The following AGPS variants were observed in gnomAD, a reference collection of about 807,000 sequenced individuals.
The protein encoded by AGPS is alkylglycerone phosphate synthase, also known as alkyldihydroxyacetonephosphate synthase, peroxisomal.
Under a neutral mutation model 90.7 loss-of-function variants are expected in AGPS, and 26 were observed. The ratio of observed to expected loss-of-function variants is 0.29; its 90% confidence interval spans 0.21 to 0.40. The LOEUF (loss-of-function observed/expected upper bound fraction) is 0.40, where lower values mean the gene tolerates loss of function less well. Among genes scored for constraint, AGPS ranks in the 10% least tolerant of loss-of-function variants. The probability of loss-of-function intolerance (pLI) is 1.00; values close to 1 mark genes in which losing one functional copy is unlikely to be tolerated. For missense variants in AGPS, 540 were observed against 816.1 expected, an observed-to-expected ratio of 0.66 and a Z score of 4.12; for synonymous variants, 294 against 285.3, an observed-to-expected ratio of 1.03 and a Z score of -0.31.
At position 177,543,247 on chromosome 2, in the gene AGPS, G is replaced by C. The variant is rs992030042; in HGVS notation, c.*5052G>C. ...CTGAGGAGCAGAACCTGTGGAGCTG[G>C]GGAGTGCGGGTGGTTTCTATTCCTA... On this transcript the variant is annotated 3_prime_UTR_variant, in exon 20 of 20. Transcript: ENST00000264167. 3 of 152,188 alleles carry C rather than the reference G, an allele frequency of 2.0e-5. No individual in the cohort carries two copies. Among genetic ancestry groups the C allele is most frequent in the African/African-American group, 7.2e-5 (3 of 41,456 alleles). 9.4% of individuals were successfully genotyped at this position (152,188 alleles called of 1,614,324 possible). A position where few individuals can be genotyped will look rare whatever the true frequency, so the allele number is the denominator to read the frequency against.
intron 5 of AGPS, among the ~76,000 whole-genome samples, chr2:177,438,727 T>A (rs1483746731): frequency 2.0e-5 from 3 of 152,214 alleles, no homozygotes; most frequent in Non-Finnish European, 4.4e-5. Flanking sequence ...TTCAAGAATC[T>A]GTATGAATGG....
At chr2:177,456,991 T>C (rs1687137028) in intron 8 of AGPS, among the ~76,000 whole-genome samples, 1 of 152,040 alleles carries the variant, frequency 6.6e-6, no homozygotes, top group Non-Finnish European at 1.5e-5. Context: ...TAACAAACAA[T>C]CTCTCAGACC....
chr2:177,432,749 T>C (rs1205216276), intron 2 of AGPS, among the ~76,000 whole-genome samples: 2 of 152,108 alleles, frequency 1.3e-5, no homozygotes, highest in Non-Finnish European at 2.9e-5. Flanking sequence ...AGAATAGAGG[T>C]TTATTTGGCT....
intron 18 of AGPS, among the ~76,000 whole-genome samples, chr2:177,523,240 A>G (rs955651235): frequency 3.3e-5 from 5 of 152,238 alleles, no homozygotes; most frequent in African/African-American, 1.2e-4. Flanking sequence ...TATTAGGCAA[A>G]TAATTTAACC....
intron 2 of AGPS, among the ~76,000 whole-genome samples, chr2:177,425,676 A>G (rs1686061319): frequency 6.8e-6 from 1 of 147,478 alleles, no homozygotes. Flanking sequence ...TGTTTTTGTC[A>G]GGTTTGTTGA....
intron 19 of AGPS, among the ~76,000 whole-genome samples, chr2:177,525,208 G>T (rs1290083994): frequency 2.0e-5 from 3 of 152,172 alleles, no homozygotes; most frequent in Non-Finnish European, 4.4e-5. Context: ...AAATTTGAAT[G>T]AGGAGTTACT....
chr2:177,507,715 G>C (rs1387481483), intron 15 of AGPS, among the ~76,000 whole-genome samples: 1 of 152,198 alleles, frequency 6.6e-6, no homozygotes, highest in South Asian at 2.1e-4. Flanking sequence ...ATAAATTTGA[G>C]TTCTTGCCCT....
chr2:177,467,370 A>G (rs894599184), intron 9 of AGPS, among the ~76,000 whole-genome samples: 2 of 152,240 alleles, frequency 1.3e-5, no homozygotes, highest in African/African-American at 4.8e-5. Context: ...TGATTTCAGA[A>G]TTACAGAAAA....
chr2:177,462,951 C>T (rs1449995317), intron 9 of AGPS, among the ~76,000 whole-genome samples: 1 of 152,180 alleles, frequency 6.6e-6, no homozygotes, highest in Admixed American at 6.5e-5. Context: ...AAGTCTTCAA[C>T]TCTACCGTGA....
intron 19 of AGPS, among the ~76,000 whole-genome samples, chr2:177,527,008 A>G (rs1258620652): frequency 2.6e-5 from 4 of 152,154 alleles, no homozygotes; most frequent in Non-Finnish European, 4.4e-5. Context: ...TTGAATTTGA[A>G]CTCAGGTCTT....
Position 177,392,859 on chromosome 2 carries a change from G to C in AGPS, c.70G>C (p.Asp24His). Residue 24 changes from aspartate (D) to histidine (H), a missense_variant, in exon 1 of 20, where the codon GAC becomes CAC. Asp to His is a moderately conservative substitution (Grantham distance 81, BLOSUM62 -1). Coordinates refer to ENST00000264167, the MANE Select transcript of AGPS (RefSeq NM_003659.4). ...GGGCGCGAGCTACGGGTCTGCAGCG[G>C]ACCGGGACCGGGACCCGGACCCGGA... ...GAGASYGSAA[D>H]RDRDPDPDRA... is the part of the protein sequence containing the mutation. The C allele has an allele frequency of 6.4e-7, 1 of 1,552,176 alleles. No individual in the cohort carries two copies. Among genetic ancestry groups the C allele is most frequent in the Non-Finnish European group, 8.7e-7 (1 of 1,152,014 alleles).
chr2:177,424,002 T>A (rs1022669710), intron 2 of AGPS, among the ~76,000 whole-genome samples: 15 of 152,266 alleles, frequency 9.9e-5, no homozygotes, highest in Admixed American at 9.8e-4. Context: ...GTTTGTTACA[T>A]AGCTAAACGT....
chr2:177,499,546 C>A, intron 13 of AGPS, 72 bp from the exon 14 acceptor site: 2 of 1,063,866 alleles, frequency 1.9e-6, no homozygotes, highest in Admixed American at 1.9e-5. Flanking sequence ...AGGAAAAGAG[C>A]AAAATGTATT....
chr2:177,451,525 C>CT (rs1475602730), intron 8 of AGPS, among the ~76,000 whole-genome samples: 1 of 151,600 alleles, frequency 6.6e-6, no homozygotes, highest in Non-Finnish European at 1.5e-5. Context: ...ATCTGTTTGC[C>CT]TTTTTTTCTT....
At chr2:177,393,215 T>A in intron 1 of AGPS, 166 bp downstream of exon 1, 3 of 985,274 alleles carry the variant, frequency 3.0e-6, no homozygotes, top group Non-Finnish European at 3.6e-6. Flanking sequence ...GACTAGACCC[T>A]GGATTCTGTC....
chr2:177,424,818 T>G (rs558270500), intron 2 of AGPS, among the ~76,000 whole-genome samples: 1 of 152,352 alleles, frequency 6.6e-6, no homozygotes, highest in Admixed American at 6.5e-5. Flanking sequence ...TGATGTGCGT[T>G]TCTCTAATGA....
chr2:177,455,308 T>G (rs1687079619), intron 8 of AGPS, among the ~76,000 whole-genome samples: 1 of 152,224 alleles, frequency 6.6e-6, no homozygotes, highest in Non-Finnish European at 1.5e-5. Context: ...CTATGCTCAA[T>G]CTCAACTCAG....
chr2:177,420,750 A>G (rs1402286326), intron 2 of AGPS, among the ~76,000 whole-genome samples: 2 of 151,748 alleles, frequency 1.3e-5, no homozygotes, highest in Non-Finnish European at 3.0e-5. Flanking sequence ...TAAGCCACCC[A>G]CCACCCAATT....
chr2:177,501,708 C>T (rs941853111), intron 14 of AGPS, among the ~76,000 whole-genome samples: 3 of 152,232 alleles, frequency 2.0e-5, no homozygotes, highest in Non-Finnish European at 2.9e-5. Flanking sequence ...TGCTCTGTCA[C>T]CCAGGCTGGA....
Sources: allele counts gnomAD v4.1 joint callset (sites outside exome capture counted in the v4.1 genomes callset), GRCh38; gene constraint gnomAD v4.1.1; transcripts MANE v1.5; gene names NCBI Gene and HGNC (gene_info 2026-07-23, HGNC 2026-07-21).